GYG1: variants seen among roughly 807,000 people sequenced by gnomAD.
The protein encoded by GYG1 is glycogenin-1.
GYG1 carries 44 observed loss-of-function variants against 41.9 expected under a neutral mutation model. That is an observed-to-expected ratio of 1.05 (90% CI 0.83 to 1.35). The LOEUF is 1.35. Ranked by LOEUF, GYG1 falls within the 40% of genes most tolerant of loss-of-function variation. The pLI is 0.00. For synonymous variants in GYG1, 141 were observed against 158.1 expected (o/e 0.89, Z 0.81); for missense variants, 429 against 418.9 (o/e 1.02, Z -0.21).
Position 149,029,201 on chromosome 3 carries a change from A to G in GYG1, c.*2268A>G, listed in dbSNP as rs1304227088. Among the ~76,000 whole-genome samples the G allele has an allele frequency of 6.6e-6, 1 of 152,226 alleles. No individual in the cohort carries two copies. The highest frequency in any genetic ancestry group is 1.5e-5 in the Non-Finnish European group (1 of 68,044). On this transcript the variant is annotated 3_prime_UTR_variant, in exon 8 of 8. Transcript: ENST00000345003. ...AGGTGAAGTATTAACTAACTTTTCC[A>G]TGTAAAGCTATACAAATATTGGAAA...
Position 149,024,262 on chromosome 3 carries a change from A to T in GYG1, c.818A>T (p.Tyr273Phe), listed in dbSNP as rs1211466583. 5.0e-6 allele frequency: 8 copies of T among 1,589,878 alleles called. No individual in the cohort carries two copies. In the East Asian group the frequency reaches 1.8e-4, roughly 35 times the overall value. ...QFGLVKDTCS[Y>F]VNVLSDLVYT... is the part of the protein sequence containing the mutation. The stretch of plus-strand genomic sequence containing the variant: ...GGCCTTGTCAAAGACACCTGCTCAT[A>T]TGTAAATGTGGTAGGTTCTGTTTCT... Residue 273 changes from tyrosine (Y) to phenylalanine (F), a missense_variant, in exon 6 of 8, where the codon TAT (tyrosine) becomes TTT (phenylalanine). Transcript: ENST00000345003.
rs145587867 is a variant in GYG1 at position 149,006,373 on chromosome 3, G to A, written c.482-2903G>A. Among the ~76,000 whole-genome samples, 6 of 152,128 alleles carry A rather than the reference G, an allele frequency of 3.9e-5. No individual in the cohort carries two copies. In the East Asian group the frequency reaches 7.7e-4, roughly 20 times the overall value. Reference sequence around the variant, plus strand: ...TGGGATTACAGGCGTGAGCCACTGCGCCTGGCCCATCATATTCTTTTACAG... The same window carrying A: ...TGGGATTACAGGCGTGAGCCACTGCACCTGGCCCATCATATTCTTTTACAG... On this transcript the variant is annotated intron_variant, in intron 4 of 7. Transcript: ENST00000345003.
At chr3:149,016,866 A>G (rs1167045176) in intron 5 of GYG1, among the ~76,000 whole-genome samples, 1 of 152,188 alleles carries the variant, frequency 6.6e-6, no homozygotes, top group Non-Finnish European at 1.5e-5. Flanking sequence ...CATGTGGGCA[A>G]GTGAGTCTGA....
chr3:149,023,372 G>A (rs1464919059), intron 5 of GYG1, among the ~76,000 whole-genome samples: 1 of 152,188 alleles, frequency 6.6e-6, no homozygotes, highest in Admixed American at 6.5e-5. Context: ...GTTGTTTCCA[G>A]TTTTTGACTA....
At position 149,029,670 on chromosome 3, in the gene GYG1, G is replaced by A. The variant is rs2107928527; in HGVS notation, c.*2737G>A. Among the ~76,000 whole-genome samples the A allele has an allele frequency of 6.6e-6, 1 of 151,994 alleles. No individual in the cohort carries two copies. The highest frequency in any genetic ancestry group is 1.9e-4 in the East Asian group (1 of 5,194). ...TTGACAAGTAGTATAAATAAAACAA[G>A]AAAAAAATACAGCAATGTCTTTGCC... On this transcript the variant is annotated 3_prime_UTR_variant, in exon 8 of 8. Transcript: ENST00000345003.
At chr3:149,024,544 C>T (rs536030958) in intron 6 of GYG1, among the ~76,000 whole-genome samples, 1 of 152,186 alleles carries the variant, frequency 6.6e-6, no homozygotes, top group South Asian at 2.1e-4. Context: ...TTAGCCCATT[C>T]TCCTCTGAAA....
At chr3:149,022,645 G>GCC (rs955990767) in intron 5 of GYG1, among the ~76,000 whole-genome samples, 2 of 151,544 alleles carry the variant, frequency 1.3e-5, no homozygotes, top group African/African-American at 2.4e-5. Flanking sequence ...ACAGGCACGT[G>GCC]CCACCATACC....
intron 4 of GYG1, among the ~76,000 whole-genome samples, chr3:149,004,293 A>C (rs1713275688): frequency 6.6e-6 from 1 of 152,232 alleles, no homozygotes; most frequent in Non-Finnish European, 1.5e-5. Flanking sequence ...GATTAGATAA[A>C]GCTGCCTCTA....
At chr3:149,016,877 G>A (rs947555206) in intron 5 of GYG1, among the ~76,000 whole-genome samples, 4 of 152,210 alleles carry the variant, frequency 2.6e-5, no homozygotes, top group African/African-American at 9.6e-5. Flanking sequence ...GTGAGTCTGA[G>A]AAGGTGCATG....
At chr3:149,022,942 A>T (rs1007385765) in intron 5 of GYG1, among the ~76,000 whole-genome samples, 4 of 144,020 alleles carry the variant, frequency 2.8e-5, no homozygotes, top group African/African-American at 1.1e-4. Flanking sequence ...CATGCTGTGA[A>T]TATAGCAGAA....
In GYG1 at chr3:148,996,447, A is replaced by G. The variant is rs1559834465; in HGVS notation, c.289A>G (p.Lys97Glu). The change falls in exon 3 of 8, where the codon AAA becomes GAA. Residue 97 changes from lysine to glutamate, a missense_variant. Coordinates refer to ENST00000345003, the MANE Select transcript of GYG1 (RefSeq NM_004130.4). Reference protein sequence around the residue: ...LHCWSLTQYSKCVFMDADTLV... With the variant: ...LHCWSLTQYSECVFMDADTLV... The stretch of plus-strand genomic sequence containing the variant: ...CTGCTGGTCGCTTACACAGTATTCA[A>G]AATGTGTATTCATGGATGCAGATAC... 1.9e-6 allele frequency: 3 copies of G among 1,613,872 alleles called. No individual in the cohort carries two copies. The highest frequency in any genetic ancestry group is 2.5e-6 in the Non-Finnish European group (3 of 1,179,754).
chr3:149,007,813 C>T (rs946388900), intron 4 of GYG1, among the ~76,000 whole-genome samples: 1 of 152,176 alleles, frequency 6.6e-6, no homozygotes, highest in Non-Finnish European at 1.5e-5. Context: ...CGCACATATG[C>T]ACTCATGCAC....
At chr3:149,025,373 A>G (rs1353990538) in intron 6 of GYG1, among the ~76,000 whole-genome samples, 1 of 152,150 alleles carries the variant, frequency 6.6e-6, no homozygotes, top group Non-Finnish European at 1.5e-5. Context: ...ATCTGACAAG[A>G]GGCAGAGCTC....
chr3:149,015,640 G>C (rs577784773), intron 5 of GYG1, among the ~76,000 whole-genome samples: 1 of 152,276 alleles, frequency 6.6e-6, no homozygotes, highest in African/African-American at 2.4e-5. Context: ...ACTTTGGCAA[G>C]AGGACGTCTG....
rs1171263829 is a variant in GYG1 at position 149,028,065 on chromosome 3, T to C, written c.*1132T>C. On this transcript the variant is annotated 3_prime_UTR_variant, in exon 8 of 8. Transcript: ENST00000345003. ...TAAGAGATGGCAAGCTAAAGAAGGGTAGGATCCAAGATGACCTTTTAAAAC... is the reference window on the plus strand; with the variant it reads ...TAAGAGATGGCAAGCTAAAGAAGGGCAGGATCCAAGATGACCTTTTAAAAC... 1.3e-5 allele frequency among the ~76,000 whole-genome samples: 2 copies of C among 152,150 alleles called. No homozygotes were observed. Among genetic ancestry groups the C allele is most frequent in the East Asian group, 1.9e-4 (1 of 5,198 alleles).
rs761812996 is a variant in GYG1 at position 149,026,937 on chromosome 3, C to A, written c.*4C>A. ...ACTTGACACTTACCTCCAGTAGAAA[C>A]ACTGCATTTTTCTGTGAACACATCC... On this transcript the variant is annotated 3_prime_UTR_variant, in exon 8 of 8. Transcript: ENST00000345003. 6.2e-7 allele frequency: 1 copy of A among 1,613,514 alleles called. No homozygotes were observed. The highest frequency in any genetic ancestry group is 2.2e-5 in the East Asian group (1 of 44,890).
chr3:149,026,311 G>C, intron 6 of GYG1, 141 bp from the exon 7 acceptor site: 1 of 744,648 alleles, frequency 1.3e-6, no homozygotes, highest in South Asian at 1.4e-5. Context: ...TCTCTAGTTA[G>C]ATTCTTTCTG....
intron 4 of GYG1, among the ~76,000 whole-genome samples, chr3:148,998,985 A>G (rs1453606508): frequency 6.6e-6 from 1 of 152,206 alleles, no homozygotes; most frequent in Non-Finnish European, 1.5e-5. Context: ...AACTGCCTGA[A>G]ATCCACATGA....
intron 5 of GYG1, among the ~76,000 whole-genome samples, chr3:149,019,338 T>A (rs1714248575): frequency 6.6e-6 from 1 of 152,184 alleles, no homozygotes; most frequent in Admixed American, 6.5e-5. Flanking sequence ...CTTTGTGATT[T>A]GTTTCATTGC....
Sources: gnomAD v4.1 joint callset for allele counts (sites outside exome capture counted in the v4.1 genomes callset) on GRCh38, gnomAD v4.1.1 for gene constraint, MANE v1.5 for transcripts, NCBI Gene and HGNC (gene_info 2026-07-23, HGNC 2026-07-21) for gene names.